HPSE2: variants seen among roughly 807,000 people sequenced by gnomAD.
HPSE2 encodes inactive heparanase-2.
In HPSE2, 38 loss-of-function variants were observed where a neutral mutation model predicts 60.5. The observed-to-expected ratio is 0.63, with a 90% CI of 0.48 to 0.82. The LOEUF is 0.82. Among genes scored for constraint, HPSE2 ranks in the 40% least tolerant of loss-of-function variants. HPSE2 has a pLI of 0.00. For synonymous variants in HPSE2, 295 were observed against 293.2 expected, an observed-to-expected ratio of 1.01 and a Z score of -0.06; for missense variants, 713 against 740.4, an observed-to-expected ratio of 0.96 and a Z score of 0.43.
At chr10:98,896,078 A>G (rs1008585753) in intron 3 of HPSE2, among the ~76,000 whole-genome samples, 3 of 151,880 alleles carry the variant, frequency 2.0e-5, no homozygotes, top group South Asian at 4.2e-4. Context: ...TAAAACTTAA[A>G]GTATAATAAT....
intron 3 of HPSE2, among the ~76,000 whole-genome samples, chr10:99,101,401 C>T (rs1843979311): frequency 6.6e-6 from 1 of 152,190 alleles, no homozygotes; most frequent in Admixed American, 6.5e-5. Flanking sequence ...AAGGACATTA[C>T]ATAATGGTAA....
chr10:98,799,786 C>T (rs1950864762), intron 3 of HPSE2, among the ~76,000 whole-genome samples: 1 of 150,104 alleles, frequency 6.7e-6, no homozygotes, highest in Admixed American at 6.6e-5. Flanking sequence ...AGAAGCAATA[C>T]TAAGAGGAAA....
At chr10:98,629,798 C>T (rs1396331491) in intron 7 of HPSE2, among the ~76,000 whole-genome samples, 1 of 152,132 alleles carries the variant, frequency 6.6e-6, no homozygotes, top group Non-Finnish European at 1.5e-5. Flanking sequence ...CTACAAGCAA[C>T]TTGTTTCAGA....
intron 3 of HPSE2, among the ~76,000 whole-genome samples, chr10:99,062,903 T>C (rs1409811402): frequency 6.6e-6 from 1 of 152,186 alleles, no homozygotes; most frequent in African/African-American, 2.4e-5. Flanking sequence ...TGTTAACCAA[T>C]GGCTGGTCCC....
chr10:99,295,993 G>C, the HPSE2 span, among the ~76,000 whole-genome samples: 3 of 152,178 alleles, frequency 2.0e-5, no homozygotes. Context: ...AGCTTCTTTA[G>C]CCTTGGCTTA....
chr10:98,860,752 T>C (rs10883221), intron 3 of HPSE2, among the ~76,000 whole-genome samples: 100,334 of 152,020 alleles, frequency 0.66, 34,296 homozygotes, highest in South Asian at 0.8. Context: ...TAAGGCCTAA[T>C]TAAAATGCCA....
In HPSE2 at chr10:98,654,294, C is replaced by G. The variant is rs1014722063; in HGVS notation, c.1005-12354G>C. ...TATTACTTCAACACTTGAATTACTT[C>G]AAGCCATTATTTTCCATTATTCTTC... On this transcript the variant is annotated intron_variant, in intron 6 of 11. Transcript: ENST00000370552. 5.3e-5 allele frequency among the ~76,000 whole-genome samples: 8 copies of G among 152,156 alleles called. 1 individual carries two copies. In the Middle Eastern group the frequency reaches 9.5e-3, roughly 181 times the overall value.
At chr10:98,585,149 G>A (rs898384997) in intron 9 of HPSE2, among the ~76,000 whole-genome samples, 5 of 152,150 alleles carry the variant, frequency 3.3e-5, no homozygotes, top group African/African-American at 9.7e-5. Flanking sequence ...TGACCAGGAT[G>A]ACTTAAATCA....
chr10:99,157,941 A>G (rs1416765843), intron 2 of HPSE2, among the ~76,000 whole-genome samples: 3 of 105,784 alleles, frequency 2.8e-5, no homozygotes, highest in Non-Finnish European at 7.0e-5. Context: ...AAGTGGGCAA[A>G]GGACGTGAAC....
rs577812174 is a variant in HPSE2, at chr10:98,989,846, T to C, written c.610+154392A>G. ...TTAAGTAGGACTCTTGGTATTTTCA[T>C]TTAAATGCAGCTTTCTTTTGTTGGC... On this transcript the variant is annotated intron_variant, in intron 3 of 11. Coordinates refer to ENST00000370552, the MANE Select transcript of HPSE2 (RefSeq NM_021828.5). 7.2e-5 allele frequency among the ~76,000 whole-genome samples: 11 copies of C among 152,270 alleles called. 1 individual carries two copies. The South Asian group carries it at 2.3e-3, about 32-fold the overall frequency.
At chr10:98,944,221 T>C (rs976552023) in intron 3 of HPSE2, among the ~76,000 whole-genome samples, 1 of 151,790 alleles carries the variant, frequency 6.6e-6, no homozygotes, top group Non-Finnish European at 1.5e-5. Flanking sequence ...AGATGGAAAA[T>C]GTATTAAGGG....
chr10:99,106,881 T>C (rs769625120), intron 3 of HPSE2, among the ~76,000 whole-genome samples: 1 of 152,166 alleles, frequency 6.6e-6, no homozygotes. Flanking sequence ...TTGTTTTTGT[T>C]GTTTTTTGAG....
the HPSE2 span, among the ~76,000 whole-genome samples, chr10:99,276,119 C>T: frequency 1.3e-5 from 2 of 152,134 alleles, no homozygotes; most frequent in South Asian, 2.1e-4. Context: ...TAGTAAATGC[C>T]CAATAATTAT....
chr10:99,132,207 G>GGA (rs1845447649), intron 3 of HPSE2, among the ~76,000 whole-genome samples: 1 of 16,600 alleles, frequency 6.0e-5, no homozygotes, highest in Admixed American at 8.5e-4. Flanking sequence ...GAGAGAGAGA[G>GGA]AGAGAGAGAG....
intron 3 of HPSE2, among the ~76,000 whole-genome samples, chr10:98,803,778 T>C (rs1165793421): frequency 1.3e-5 from 2 of 151,156 alleles, no homozygotes; most frequent in Non-Finnish European, 3.0e-5. Flanking sequence ...TTTGTTCTTT[T>C]GGCTTAGGAT....
At chr10:98,696,205 A>G (rs1171210893) in intron 5 of HPSE2, among the ~76,000 whole-genome samples, 1 of 149,226 alleles carries the variant, frequency 6.7e-6, no homozygotes, top group Non-Finnish European at 1.5e-5. Context: ...CTCCAAAATA[A>G]TTTCTAAAAT....
intron 5 of HPSE2, among the ~76,000 whole-genome samples, chr10:98,697,748 C>T (rs899881048): frequency 1.3e-5 from 2 of 152,096 alleles, no homozygotes; most frequent in African/African-American, 2.4e-5. Flanking sequence ...ATGTTAAGGG[C>T]AGCCAGAGAG....
chr10:99,190,190 C>A (rs1457337414), intron 2 of HPSE2, among the ~76,000 whole-genome samples: 1 of 152,142 alleles, frequency 6.6e-6, no homozygotes, highest in African/African-American at 2.4e-5. Flanking sequence ...AATATGATGT[C>A]ATTTCACAAC....
intron 9 of HPSE2, among the ~76,000 whole-genome samples, chr10:98,521,576 C>T (rs1439722631): frequency 3.9e-5 from 6 of 152,256 alleles, no homozygotes; most frequent in East Asian, 1.9e-4. Context: ...GACAGTGTGG[C>T]GATTCCTCAA....
Sources: allele counts gnomAD v4.1 joint callset (sites outside exome capture counted in the v4.1 genomes callset), GRCh38; gene constraint gnomAD v4.1.1; transcripts MANE v1.5; gene names NCBI Gene and HGNC (gene_info 2026-07-23, HGNC 2026-07-21).